Variants in FAM117B observed in about 807,000 individuals in gnomAD.
FAM117B encodes the protein family with sequence similarity 117 member B.
A neutral mutation model predicts 52.8 loss-of-function variants in FAM117B; 22 were observed. The observed-to-expected ratio is 0.42, with a 90% CI of 0.30 to 0.59. The LOEUF is 0.59. Ranked by LOEUF, FAM117B falls within the 20% of genes least tolerant of loss-of-function variation. The pLI, the probability that FAM117B is intolerant of heterozygous loss-of-function variation, is 0.22. For missense variants in FAM117B, 678 were observed against 802.6 expected (o/e 0.84, Z 1.88); for synonymous variants, 309 against 324.1 (o/e 0.95, Z 0.50).
At chr2:202,658,674 C>T (rs1246324922) in intron 1 of FAM117B, among the ~76,000 whole-genome samples, 2 of 152,130 alleles carry the variant, frequency 1.3e-5, no homozygotes, top group Non-Finnish European at 2.9e-5. Flanking sequence ...TCTTTTAGCT[C>T]TTCAAAAATG....
chr2:202,762,530 T>C (rs1192288206), intron 7 of FAM117B, among the ~76,000 whole-genome samples: 1 of 152,192 alleles, frequency 6.6e-6, no homozygotes, highest in Non-Finnish European at 1.5e-5. Flanking sequence ...TATATCTACT[T>C]TGAGACACAA....
intron 2 of FAM117B, among the ~76,000 whole-genome samples, chr2:202,719,880 G>T (rs1218913074): frequency 6.6e-6 from 1 of 151,908 alleles, no homozygotes; most frequent in Non-Finnish European, 1.5e-5. Context: ...GTATTTTTTT[G>T]AATGTTGTCA....
chr2:202,747,147 A>G (rs1052609419), intron 4 of FAM117B, among the ~76,000 whole-genome samples: 5 of 152,190 alleles, frequency 3.3e-5, no homozygotes, highest in African/African-American at 9.6e-5. Context: ...TAAATGTGAT[A>G]TATCACATCA....
intron 2 of FAM117B, among the ~76,000 whole-genome samples, chr2:202,711,339 T>A (rs757983768): frequency 6.6e-6 from 1 of 152,220 alleles, no homozygotes; most frequent in African/African-American, 2.4e-5. Flanking sequence ...TATACCTGTT[T>A]GTCATTTGTA....
chr2:202,765,931 C>T lies in FAM117B; in HGVS notation c.*167C>T, dbSNP rs1691970692. ...AGGATCCCCCGTGACGGCTCTGCCC[C>T]ACTTGTGAACGCCAACCCTCAGTGC... is the stretch of plus-strand genomic sequence containing the variant. On this transcript the variant is annotated 3_prime_UTR_variant, in exon 8 of 8. Transcript: ENST00000392238. 5.9e-6 allele frequency: 4 copies of T among 675,516 alleles called. No individual in the cohort carries two copies. Among genetic ancestry groups the T allele is most frequent in the Admixed American group, 3.0e-5 (1 of 33,740 alleles). The allele number at this position is 675,516 out of a possible 1,614,324, so 41.8% of individuals were successfully genotyped here.
chr2:202,655,751 A>AGT (rs1690045510), intron 1 of FAM117B, among the ~76,000 whole-genome samples: 1 of 132,048 alleles, frequency 7.6e-6, no homozygotes, highest in African/African-American at 3.7e-5. Flanking sequence ...AGAGAGAGAG[A>AGT]GAGAGAGAGA....
intron 4 of FAM117B, among the ~76,000 whole-genome samples, chr2:202,746,959 A>G (rs1213995689): frequency 1.9e-5 from 2 of 108,000 alleles, no homozygotes; most frequent in African/African-American, 6.2e-5. Flanking sequence ...AAAAAAAAAC[A>G]AAACAAAAAA....
chr2:202,718,587 G>A (rs1691097251), intron 2 of FAM117B, among the ~76,000 whole-genome samples: 1 of 152,102 alleles, frequency 6.6e-6, no homozygotes, highest in African/African-American at 2.4e-5. Flanking sequence ...TAAAAATTTT[G>A]TTGTTGGTTG....
rs193009837 is a variant in FAM117B at position 202,659,591 on chromosome 2, G to A, written c.601+23803G>A. 1.4e-4 allele frequency among the ~76,000 whole-genome samples: 20 copies of A among 141,314 alleles called. No homozygotes were observed. In the East Asian group the frequency reaches 3.5e-3, roughly 25 times the overall value. The allele number at this position is 141,314 out of a possible 152,430, so 92.7% of individuals were successfully genotyped here. A position where few individuals can be genotyped will look rare whatever the true frequency, so the allele number is the denominator to read the frequency against. On this transcript the variant is annotated intron_variant, in intron 1 of 7. Transcript: ENST00000392238. Reference sequence around the variant, plus strand: ...CTCCCATAGTGCTGAGATTACAGACGTGAGCCACCGTGCTTTTTTTTTTTT... The same window carrying A: ...CTCCCATAGTGCTGAGATTACAGACATGAGCCACCGTGCTTTTTTTTTTTT...
Position 202,767,816 on chromosome 2 carries a change from T to A in FAM117B, c.*2052T>A, listed in dbSNP as rs958571591. The A allele has an allele frequency of 2.6e-5, 4 of 152,222 alleles. No homozygotes were observed. The highest frequency in any genetic ancestry group is 7.2e-5 in the African/African-American group (3 of 41,452). 9.4% of individuals were successfully genotyped at this position (152,222 alleles called of 1,614,324 possible). A position where few individuals can be genotyped will look rare whatever the true frequency, so the allele number is the denominator to read the frequency against. On this transcript the variant is annotated 3_prime_UTR_variant, in exon 8 of 8. Transcript: ENST00000392238. ...TAAATTCAACATTTGAATAAATCCGTCAGGTTTTAGATGGTGGGATTGATG... is the reference window on the plus strand; with the variant it reads ...TAAATTCAACATTTGAATAAATCCGACAGGTTTTAGATGGTGGGATTGATG...
intron 1 of FAM117B, among the ~76,000 whole-genome samples, chr2:202,665,239 G>GT (rs1690185257): frequency 6.6e-6 from 1 of 151,520 alleles, no homozygotes; most frequent in South Asian, 2.1e-4. Flanking sequence ...GAGTGCAGTG[G>GT]TGTGATCTAA....
At chr2:202,747,320 G>T (rs993299772) in intron 4 of FAM117B, among the ~76,000 whole-genome samples, 1 of 152,102 alleles carries the variant, frequency 6.6e-6, no homozygotes, top group Admixed American at 6.6e-5. Context: ...CAGCTAAATT[G>T]TACTGAATGG....
chr2:202,655,013 ATTAT>A (rs2105758488), intron 1 of FAM117B, among the ~76,000 whole-genome samples: 1 of 152,232 alleles, frequency 6.6e-6, no homozygotes, highest in East Asian at 1.9e-4. Flanking sequence ...CAGGATTAAG[ATTAT>A]TTGTTAAGTT....
chr2:202,668,647 T>TAAAA (rs1055221993), intron 1 of FAM117B, among the ~76,000 whole-genome samples: 1 of 146,760 alleles, frequency 6.8e-6, no homozygotes, highest in Non-Finnish European at 1.5e-5. Flanking sequence ...AATAAATAAA[T>TAAAA]AAATAAAATA....
intron 1 of FAM117B, among the ~76,000 whole-genome samples, chr2:202,660,634 A>T (rs1690114772): frequency 6.6e-6 from 1 of 152,046 alleles, no homozygotes; most frequent in African/African-American, 2.4e-5. Context: ...TTATTTTCAC[A>T]CTCTGTTTCC....
chr2:202,740,359 CAAAA>C (rs769846441), intron 4 of FAM117B, among the ~76,000 whole-genome samples: 2 of 65,578 alleles, frequency 3.0e-5, no homozygotes, highest in African/African-American at 5.0e-5. Flanking sequence ...GACTCTGCCT[CAAAA>C]AAAAAAAAAA....
Position 202,767,890 on chromosome 2 carries a change from G to A in FAM117B, c.*2126G>A, listed in dbSNP as rs1030489762. The A allele has an allele frequency of 3.9e-5, 6 of 152,166 alleles. No homozygotes were observed. The highest frequency in any genetic ancestry group is 5.9e-5 in the Non-Finnish European group (4 of 68,028). The allele number at this position is 152,166 out of a possible 1,614,324, so 9.4% of individuals were successfully genotyped here. Reference sequence around the variant, plus strand: ...AAACTAATTTATTTGGAACTAGTACGTTATGGCTTCTCAGTCATGAAAAGC... The same window carrying A: ...AAACTAATTTATTTGGAACTAGTACATTATGGCTTCTCAGTCATGAAAAGC... On this transcript the variant is annotated 3_prime_UTR_variant, in exon 8 of 8. Transcript: ENST00000392238.
chr2:202,754,590 TTTATAAAG>T (rs1284576212), intron 4 of FAM117B, among the ~76,000 whole-genome samples: 3 of 151,914 alleles, frequency 2.0e-5, no homozygotes, highest in Non-Finnish European at 4.4e-5. Flanking sequence ...GACTGGGTAA[TTTATAAAG>T]AAAACAGGGG....
At position 202,649,290 on chromosome 2, in the gene FAM117B, CCTCT is replaced by C. The variant is rs769474254; in HGVS notation, c.601+13507_601+13510del. Among the ~76,000 whole-genome samples, 34 of 152,150 alleles carry C rather than the reference CCTCT, an allele frequency of 2.2e-4. No homozygotes were observed. In the South Asian group the frequency reaches 5.4e-3, roughly 24 times the overall value. ...ATCTACCTACCAGAATGTCTCCTTC[CCTCT>C]CTCTTTTCTGTCTTCCCTATCTTCA... On this transcript the variant is annotated intron_variant, in intron 1 of 7. Transcript: ENST00000392238.
Sources: allele counts gnomAD v4.1 joint callset (sites outside exome capture counted in the v4.1 genomes callset), GRCh38; gene constraint gnomAD v4.1.1; transcripts MANE v1.5; gene names NCBI Gene and HGNC (gene_info 2026-07-23, HGNC 2026-07-21).